The following ETV6 variants were observed in gnomAD, a reference collection of about 807,000 sequenced individuals.
ETV6 encodes transcription factor ETV6.
Under a neutral mutation model 51.1 loss-of-function variants are expected in ETV6, and 16 were observed. The observed-to-expected ratio is 0.31, with a 90% CI of 0.21 to 0.48. The LOEUF (loss-of-function observed/expected upper bound fraction) is 0.48. Ranked by LOEUF, ETV6 falls within the 20% of genes least tolerant of loss-of-function variation. The pLI is 0.99. For missense variants in ETV6, 458 were observed against 594.8 expected, an observed-to-expected ratio of 0.77 and a Z score of 2.39; for synonymous variants, 240 against 224.1, an observed-to-expected ratio of 1.07 and a Z score of -0.64.
intron 2 of ETV6, among the ~76,000 whole-genome samples, chr12:11,808,268 A>G (rs936155591): frequency 6.6e-6 from 1 of 152,174 alleles, no homozygotes; most frequent in East Asian, 1.9e-4. Flanking sequence ...TGTGAATTTC[A>G]TATTTTTCTT....
intron 3 of ETV6, among the ~76,000 whole-genome samples, chr12:11,841,252 G>C (rs1344235552): frequency 6.6e-6 from 1 of 152,228 alleles, no homozygotes; most frequent in Non-Finnish European, 1.5e-5. Context: ...ACTTTGTCGA[G>C]TCTTTGTCAG....
chr12:11,697,086 C>G (rs1031499344), intron 1 of ETV6, among the ~76,000 whole-genome samples: 6 of 152,152 alleles, frequency 3.9e-5, no homozygotes, highest in Non-Finnish European at 8.8e-5. Context: ...AAGCTGCAAT[C>G]AGTGAATCTA....
intron 2 of ETV6, among the ~76,000 whole-genome samples, chr12:11,764,500 C>G (rs1460918596): frequency 6.6e-6 from 1 of 152,240 alleles, no homozygotes; most frequent in Non-Finnish European, 1.5e-5. Context: ...ATTTCTTTGA[C>G]AGGAGTAGTG....
intron 5 of ETV6, 96 bp downstream of exon 5, chr12:11,870,065 C>A: frequency 1.4e-6 from 2 of 1,388,576 alleles, no homozygotes; most frequent in Non-Finnish European, 1.9e-6. Context: ...GCACCATTCC[C>A]AATTAGGCGC....
chr12:11,730,121 T>C (rs1420234426), intron 1 of ETV6, among the ~76,000 whole-genome samples: 2 of 152,192 alleles, frequency 1.3e-5, no homozygotes, highest in Non-Finnish European at 2.9e-5. Flanking sequence ...GCAGTAATGA[T>C]AGAAACACAG....
chr12:11,745,379 T>A (rs907889654), intron 1 of ETV6, among the ~76,000 whole-genome samples: 10 of 152,242 alleles, frequency 6.6e-5, no homozygotes, highest in Non-Finnish European at 1.5e-5. Flanking sequence ...TTCAGCTGTT[T>A]GAAAGGCCTT....
chr12:11,682,540 T>C (rs1382214864), intron 1 of ETV6, among the ~76,000 whole-genome samples: 2 of 152,220 alleles, frequency 1.3e-5, no homozygotes, highest in Non-Finnish European at 2.9e-5. Context: ...TGATAGTTTC[T>C]TTTGCTGAGC....
At chr12:11,757,868 A>T (rs1251743033) in intron 2 of ETV6, among the ~76,000 whole-genome samples, 2 of 152,210 alleles carry the variant, frequency 1.3e-5, no homozygotes, top group African/African-American at 4.8e-5. Flanking sequence ...GAGAGGAATC[A>T]GGATAACAGC....
chr12:11,826,788 C>G (rs973778233), intron 2 of ETV6, among the ~76,000 whole-genome samples: 1 of 152,072 alleles, frequency 6.6e-6, no homozygotes, highest in Non-Finnish European at 1.5e-5. Context: ...CAGATAAGCC[C>G]AGGGACAAAG....
At chr12:11,788,250 TA>T (rs375336609) in intron 2 of ETV6, among the ~76,000 whole-genome samples, 2 of 152,314 alleles carry the variant, frequency 1.3e-5, no homozygotes, top group African/African-American at 4.8e-5. Context: ...CATTCCAAAA[TA>T]TTTTTTTAGA....
chr12:11,873,141 C>T (rs1180572041), intron 5 of ETV6, among the ~76,000 whole-genome samples: 1 of 152,168 alleles, frequency 6.6e-6, no homozygotes, highest in Non-Finnish European at 1.5e-5. Flanking sequence ...ACTAATGCAA[C>T]CAAATCCAAA....
intron 1 of ETV6, among the ~76,000 whole-genome samples, chr12:11,746,720 GA>G (rs1865915258): frequency 6.7e-6 from 1 of 150,058 alleles, no homozygotes; most frequent in Non-Finnish European, 1.5e-5. Context: ...ATCATAGGGA[GA>G]AAAAAAACTC....
chr12:11,689,633 C>T (rs1175524040), intron 1 of ETV6, among the ~76,000 whole-genome samples: 2 of 151,900 alleles, frequency 1.3e-5, no homozygotes, highest in East Asian at 3.9e-4. Context: ...AAAAAATAAG[C>T]TGGCATCAAC....
intron 5 of ETV6, among the ~76,000 whole-genome samples, chr12:11,882,662 TATA>T (rs2136587627): frequency 6.6e-6 from 1 of 152,332 alleles, no homozygotes; most frequent in East Asian, 1.9e-4. Context: ...TTATCACTAA[TATA>T]ATAATCCTGT....
chr12:11,663,234 C>T (rs1864132735), intron 1 of ETV6, among the ~76,000 whole-genome samples: 1 of 151,904 alleles, frequency 6.6e-6, no homozygotes, highest in Admixed American at 6.6e-5. Flanking sequence ...GGAACGGTTC[C>T]TAGGTACAGC....
At chr12:11,888,026 A>T (rs73281353) in intron 7 of ETV6, among the ~76,000 whole-genome samples, 4,464 of 152,252 alleles carry the variant, frequency 0.029, 225 homozygotes, top group African/African-American at 0.1. Context: ...AAGCAGTTTC[A>T]TGAGATCTGG....
At chr12:11,861,316 A>G (rs1482293517) in intron 4 of ETV6, among the ~76,000 whole-genome samples, 1 of 152,144 alleles carries the variant, frequency 6.6e-6, no homozygotes, top group East Asian at 1.9e-4. Context: ...AGCCTTCTGC[A>G]AGTCCTGCTT....
At position 11,777,239 on chromosome 12, in the gene ETV6, C is replaced by CAAAAA. The variant is rs5796465; in HGVS notation, c.163+24679_163+24683dup. Reference sequence around the variant, plus strand: ...TGGGTGACAGAGTGAGACTCCGTGTCAAAAAAAAAAAAAAAAAAAAAAATC... The same window carrying CAAAAA: ...TGGGTGACAGAGTGAGACTCCGTGTCAAAAAAAAAAAAAAAAAAAAAAAAAAAATC... On this transcript the variant is annotated intron_variant, in intron 2 of 7. Transcript: ENST00000396373. Among the ~76,000 whole-genome samples, 23 of 78,864 alleles carry CAAAAA rather than the reference C, an allele frequency of 2.9e-4. 1 individual carries two copies. The highest frequency in any genetic ancestry group is 4.4e-4 in the Non-Finnish European group (19 of 43,210). 51.7% of individuals were successfully genotyped at this position (78,864 alleles called of 152,430 possible).
At chr12:11,789,420 A>G (rs772325332) in intron 2 of ETV6, among the ~76,000 whole-genome samples, 13 of 152,106 alleles carry the variant, frequency 8.5e-5, no homozygotes, top group Non-Finnish European at 1.8e-4. Context: ...TTCAGATGCC[A>G]TAGGTGTGAT....
Sources: gnomAD v4.1 joint callset for allele counts (sites outside exome capture counted in the v4.1 genomes callset) on GRCh38, gnomAD v4.1.1 for gene constraint, MANE v1.5 for transcripts, NCBI Gene and HGNC (gene_info 2026-07-23, HGNC 2026-07-21) for gene names.